Variants in TRRAP observed in about 807,000 individuals in gnomAD.
TRRAP encodes the protein transformation/transcription domain associated protein.
TRRAP carries 41 observed loss-of-function variants against 438.8 expected under a neutral mutation model. The ratio of observed to expected loss-of-function variants is 0.09; its 90% confidence interval spans 0.07 to 0.12. TRRAP has a LOEUF of 0.12. Ranked by LOEUF, TRRAP falls within the 10% of genes least tolerant of loss-of-function variation. The pLI is 1.00. For synonymous variants in TRRAP, 1,994 were observed against 1,962.9 expected, an observed-to-expected ratio of 1.02 and a Z score of -0.42; for missense variants, 3,122 against 5,055.1, an observed-to-expected ratio of 0.62 and a Z score of 11.60.
At chr7:98,915,655 T>G in intron 18 of TRRAP, 68 bp from the exon 19 acceptor site, 1 of 1,529,664 alleles carries the variant, frequency 6.5e-7, no homozygotes, top group Non-Finnish European at 8.8e-7. Flanking sequence ...CAGTGACACT[T>G]TAGAGTCTGG....
Position 98,931,684 on chromosome 7 carries a change from G to T in TRRAP, c.3852+19G>T, listed in dbSNP as rs371338924. The T allele has an allele frequency of 2.5e-6, 4 of 1,598,082 alleles. No individual in the cohort carries two copies. The highest frequency in any genetic ancestry group is 2.6e-6 in the Non-Finnish European group (3 of 1,169,986). Reference sequence around the variant, plus strand: ...CAAAGAGGTGAGATTTCTGTCACCAGAACCAAGGTAATTTCAACAAAACTT... The same window carrying T: ...CAAAGAGGTGAGATTTCTGTCACCATAACCAAGGTAATTTCAACAAAACTT... On this transcript the variant is annotated intron_variant, in intron 26 of 72. Transcript: ENST00000456197.
At position 98,967,584 on chromosome 7, in the gene TRRAP, C is replaced by A. The variant is rs139721649; in HGVS notation, c.7398C>A (p.Phe2466Leu). ...CAQPLIRAKF[F>L]EVFDNSMKRR... ...AGCCACTCATCAGGGCAAAGTTTTT[C>A]GAGGTTTTTGACAACTCCATGAAAC... Residue 2466 changes from phenylalanine to leucine, a missense_variant, in exon 51 of 73, where the codon TTC becomes TTA. This residue lies in a region of TRRAP where 992 missense variants were observed against 1,281.2 expected (regional missense o/e 0.77). Coordinates refer to ENST00000456197, the MANE Select transcript of TRRAP (RefSeq NM_001375524.1). 3 of 1,613,966 alleles carry A rather than the reference C, an allele frequency of 1.9e-6. No individual in the cohort carries two copies. Among genetic ancestry groups the A allele is most frequent in the Non-Finnish European group, 2.5e-6 (3 of 1,180,042 alleles).
Position 98,911,084 on chromosome 7 carries a change from T to G in TRRAP, c.1820T>G (p.Ile607Arg). ...MQALDIYQVQ[I>R]AGNGQTYIRV... The stretch of plus-strand genomic sequence containing the variant: ...TTTTTTCCCCTGTATTAGGTCCAGA[T>G]AGCAGGAAATGGACAGACATACATC... The change falls in exon 17 of 73, where the codon ATA (isoleucine) becomes AGA (arginine). Residue 607 changes from isoleucine to arginine, a missense_variant. Physicochemically the swap from Ile to Arg is moderately conservative, Grantham distance 97 (BLOSUM62 -3). Around this residue, in one of 24 missense-constraint regions of TRRAP, gnomAD observed 149 missense variants for 302.8 expected, o/e 0.49. Coordinates refer to ENST00000456197, the MANE Select transcript of TRRAP (RefSeq NM_001375524.1). The G allele has an allele frequency of 6.2e-7, 1 of 1,613,952 alleles. No homozygotes were observed. Among genetic ancestry groups the G allele is most frequent in the Non-Finnish European group, 8.5e-7 (1 of 1,179,914 alleles).
At chr7:98,971,154 T>A (rs1157678476) in intron 52 of TRRAP, among the ~76,000 whole-genome samples, 2 of 152,178 alleles carry the variant, frequency 1.3e-5, no homozygotes, top group Non-Finnish European at 2.9e-5. Flanking sequence ...CGAATTAAAA[T>A]TTTTTTCCTT....
intron 30 of TRRAP, among the ~76,000 whole-genome samples, chr7:98,940,251 C>T (rs916643684): frequency 7.3e-5 from 11 of 150,420 alleles, no homozygotes; most frequent in South Asian, 6.4e-4. Context: ...TACAGTGGCG[C>T]GATCTCGGCT....
At chr7:98,895,003 T>A (rs1238028290) in intron 6 of TRRAP, among the ~76,000 whole-genome samples, 1 of 152,148 alleles carries the variant, frequency 6.6e-6, no homozygotes, top group African/African-American at 2.4e-5. Context: ...ATACTGTATA[T>A]AACATCTTAT....
chr7:98,888,902 T>C (rs1795838925), intron 3 of TRRAP, among the ~76,000 whole-genome samples: 1 of 152,210 alleles, frequency 6.6e-6, no homozygotes, highest in South Asian at 2.1e-4. Flanking sequence ...ATGAATATTA[T>C]GTGTTCTGTT....
Position 98,990,477 on chromosome 7 carries a change from A to T in TRRAP, c.9614A>T (p.Asp3205Val). 1.2e-6 allele frequency: 2 copies of T among 1,613,048 alleles called. No individual in the cohort carries two copies. Among genetic ancestry groups the T allele is most frequent in the Non-Finnish European group, 1.7e-6 (2 of 1,179,068 alleles). The change falls in exon 64 of 73, where the codon GAT becomes GTT. Residue 3205 changes from aspartate to valine, a missense_variant. Asp to Val is a radical substitution (Grantham distance 152). Coordinates refer to ENST00000456197, the MANE Select transcript of TRRAP (RefSeq NM_001375524.1). ...LAKVLWLLSF[D>V]DDKNTLADAV... is the part of the protein sequence containing the mutation. ...CAGGTGCTGTGGCTTTTGAGTTTTG[A>T]TGATGACAAAAACACTTTGGCAGAT...
intron 53 of TRRAP, among the ~76,000 whole-genome samples, chr7:98,974,571 T>C (rs1792565573): frequency 6.6e-6 from 1 of 152,150 alleles, no homozygotes; most frequent in Non-Finnish European, 1.5e-5. Flanking sequence ...GCCATGGACT[T>C]GGGGAGCAGG....
chr7:98,910,917 T>G lies in TRRAP; in HGVS notation c.1813-160T>G, dbSNP rs111964838. Among the ~76,000 whole-genome samples, 826 of 152,150 alleles carry G rather than the reference T, an allele frequency of 5.4e-3. 3 individuals are homozygous for G. The highest frequency in any genetic ancestry group is 0.018 in the African/African-American group (731 of 41,506). On this transcript the variant is annotated intron_variant, in intron 16 of 72. Transcript: ENST00000456197. ...TTTTTTTTTAATTCTTTGCCAAAATTAAGGTGAGAAAGGAGAATTTAAAAG... is the reference window on the plus strand; with the variant it reads ...TTTTTTTTTAATTCTTTGCCAAAATGAAGGTGAGAAAGGAGAATTTAAAAG...
At chr7:98,934,728 G>A (rs577543238) in intron 27 of TRRAP, among the ~76,000 whole-genome samples, 24 of 152,234 alleles carry the variant, frequency 1.6e-4, no homozygotes, top group African/African-American at 5.3e-4. Context: ...CTGTGTTGGG[G>A]TTTTGTTTTG....
intron 7 of TRRAP, among the ~76,000 whole-genome samples, chr7:98,896,881 C>T (rs1249566146): frequency 1.3e-5 from 2 of 152,054 alleles, no homozygotes; most frequent in East Asian, 1.9e-4. Flanking sequence ...CCTTGTTGAA[C>T]GTGAAACCCC....
chr7:98,999,575 C>T, intron 67 of TRRAP: 3 of 743,788 alleles, frequency 4.0e-6, no homozygotes, highest in Admixed American at 2.2e-5. Flanking sequence ...ATCCCACTGC[C>T]ACTGTGTTCT....
rs566668012 is a variant in TRRAP at position 98,925,393 on chromosome 7, C to T, written c.2975+130C>T. 6 of 1,288,924 alleles carry T rather than the reference C, an allele frequency of 4.7e-6. No individual in the cohort carries two copies. In the South Asian group the frequency reaches 9.0e-5, roughly 19 times the overall value. The allele number at this position is 1,288,924 out of a possible 1,614,324, so 79.8% of individuals were successfully genotyped here. A position where few individuals can be genotyped will look rare whatever the true frequency, so the allele number is the denominator to read the frequency against. On this transcript the variant is annotated intron_variant, in intron 22 of 72. Coordinates refer to ENST00000456197, the MANE Select transcript of TRRAP (RefSeq NM_001375524.1). ...AGTCCAGCAGATGCCATATTATCTA[C>T]CTACTCCTTCTTGTTGGGGCCTTAG...
At position 98,931,385 on chromosome 7, in the gene TRRAP, A is replaced by C; in HGVS notation, c.3592-20A>C. ...GGTGGCATCGCCCTGCTTTCATTCT[A>C]AGACATCCCTGACTTGCAGGTTTCC... On this transcript the variant is annotated intron_variant, in intron 25 of 72. Transcript: ENST00000456197. 1 of 1,610,146 alleles carries C rather than the reference A, an allele frequency of 6.2e-7. No individual in the cohort carries two copies. The highest frequency in any genetic ancestry group is 8.5e-7 in the Non-Finnish European group (1 of 1,178,292).
chr7:98,901,715 ATAT>A (rs1349072916), intron 11 of TRRAP, among the ~76,000 whole-genome samples: 1 of 152,046 alleles, frequency 6.6e-6, no homozygotes, highest in African/African-American at 2.4e-5. Flanking sequence ...TGCCTGGCTA[ATAT>A]TTGTATTTTT....
At chr7:98,888,533 TCTCAAAAAAAACTTAAAAGTTGAA>T (rs1795817269) in intron 3 of TRRAP, among the ~76,000 whole-genome samples, 1 of 152,212 alleles carries the variant, frequency 6.6e-6, no homozygotes, top group Non-Finnish European at 1.5e-5. Flanking sequence ...TGAGACTCCG[TCTCAAAAAAAACTTAAAAGTTGAA>T]CTCCTTTCTC....
At chr7:98,890,687 A>G (rs1795925348) in intron 4 of TRRAP, among the ~76,000 whole-genome samples, 1 of 151,788 alleles carries the variant, frequency 6.6e-6, no homozygotes, top group African/African-American at 2.4e-5. Context: ...TACACTGTTT[A>G]CTATAGACCA....
intron 45 of TRRAP, among the ~76,000 whole-genome samples, chr7:98,960,850 C>T (rs916910647): frequency 6.6e-6 from 1 of 151,960 alleles, no homozygotes; most frequent in Non-Finnish European, 1.5e-5. Context: ...TTCCTGGCCT[C>T]AAGTGATCCA....
Sources: allele counts gnomAD v4.1 joint callset (sites outside exome capture counted in the v4.1 genomes callset), GRCh38; gene constraint gnomAD v4.1.1; regional missense constraint gnomAD v4.1.1; transcripts MANE v1.5; gene names NCBI Gene and HGNC (gene_info 2026-07-23, HGNC 2026-07-21).